TNIK: variants seen among roughly 807,000 people sequenced by gnomAD.
TNIK encodes TRAF2 and NCK-interacting protein kinase.
Under a neutral mutation model 191.3 loss-of-function variants are expected in TNIK, and 49 were observed. That is an observed-to-expected ratio of 0.26 (90% CI 0.20 to 0.32). The LOEUF is 0.32. Ranked by LOEUF, TNIK falls within the 10% of genes least tolerant of loss-of-function variation. TNIK has a pLI of 1.00. For missense variants in TNIK, 1,155 were observed against 1,702.3 expected (o/e 0.68, Z 5.66); for synonymous variants, 594 against 600.9 (o/e 0.99, Z 0.17).
Position 171,138,270 on chromosome 3 carries a change from T to C in TNIK, c.1529A>G (p.Gln510Arg), listed in dbSNP as rs937380319. 6.2e-7 allele frequency: 1 copy of C among 1,613,628 alleles called. No individual in the cohort carries two copies. Among genetic ancestry groups the C allele is most frequent in the African/African-American group, 1.3e-5 (1 of 74,904 alleles). Residue 510 changes from glutamine (Q) to arginine (R), a missense_variant, in exon 15 of 33, where the codon CAG (glutamine) becomes CGG (arginine). Physicochemically the swap from Gln to Arg is conservative, Grantham distance 43. Around this residue, in one of 3 missense-constraint regions of TNIK, gnomAD observed 735 missense variants for 848.0 expected, o/e 0.87. Coordinates refer to ENST00000436636, the MANE Select transcript of TNIK (RefSeq NM_015028.4). Reference protein sequence around the residue: ...LVSLQHQRQEQRPVEKKPLYH... With the variant: ...LVSLQHQRQERRPVEKKPLYH... The stretch of plus-strand genomic sequence containing the variant: ...CAGTGGCTTCTTCTCCACAGGCCTC[T>C]GCTCCTGCCGCTGATGCTGAAGGGA...
intron 23 of TNIK, 49 bp downstream of exon 23, chr3:171,093,790 A>T: frequency 6.2e-7 from 1 of 1,603,812 alleles, no homozygotes; most frequent in Non-Finnish European, 8.5e-7. Context: ...TAATGTAAAA[A>T]CCACTGAAGA....
intron 18 of TNIK, among the ~76,000 whole-genome samples, chr3:171,113,610 GAA>G (rs558311545): frequency 3.1e-5 from 4 of 127,888 alleles, no homozygotes; most frequent in Admixed American, 8.0e-5. Context: ...TGTCTGTCTC[GAA>G]AAAAAAAAAA....
intron 12 of TNIK, among the ~76,000 whole-genome samples, chr3:171,147,178 C>T (rs764328246): frequency 1.3e-5 from 2 of 152,110 alleles, no homozygotes; most frequent in Admixed American, 6.5e-5. Flanking sequence ...GTGGAAGACC[C>T]GAGTTGGCCT....
chr3:171,372,654 T>A (rs949660658), intron 1 of TNIK, among the ~76,000 whole-genome samples: 1 of 152,106 alleles, frequency 6.6e-6, no homozygotes, highest in Non-Finnish European at 1.5e-5. Context: ...CCAATACCCG[T>A]CCCAGAGGTA....
chr3:171,352,891 G>C (rs1713435764), intron 2 of TNIK, among the ~76,000 whole-genome samples: 1 of 152,076 alleles, frequency 6.6e-6, no homozygotes, highest in Non-Finnish European at 1.5e-5. Flanking sequence ...AAATGCAAAA[G>C]TAACATCAAA....
chr3:171,371,581 A>G (rs1445868439), intron 1 of TNIK, among the ~76,000 whole-genome samples: 4 of 152,156 alleles, frequency 2.6e-5, no homozygotes, highest in African/African-American at 9.7e-5. Context: ...GTGGTTCCAG[A>G]CAGAACCACA....
At chr3:171,382,793 CG>C (rs1718215203) in intron 1 of TNIK, among the ~76,000 whole-genome samples, 1 of 151,958 alleles carries the variant, frequency 6.6e-6, no homozygotes, top group Non-Finnish European at 1.5e-5. Context: ...GTGGCATGGT[CG>C]AGAAATAAAC....
intron 2 of TNIK, among the ~76,000 whole-genome samples, chr3:171,315,872 C>T (rs1254791798): frequency 1.3e-5 from 2 of 152,154 alleles, no homozygotes; most frequent in Non-Finnish European, 2.9e-5. Context: ...TTCATTACAT[C>T]TGCAGAGACC....
intron 12 of TNIK, among the ~76,000 whole-genome samples, chr3:171,149,564 A>T (rs146647743): frequency 2.2e-4 from 34 of 152,290 alleles, no homozygotes; most frequent in African/African-American, 5.8e-4. Context: ...CACAACACGT[A>T]AGTTAGAACA....
At chr3:171,166,783 A>G (rs1467721091) in intron 10 of TNIK, among the ~76,000 whole-genome samples, 1 of 152,252 alleles carries the variant, frequency 6.6e-6, no homozygotes, top group Non-Finnish European at 1.5e-5. Flanking sequence ...TTAGTCTTCT[A>G]AACATGAATA....
Position 171,159,469 on chromosome 3 carries a change from G to A in TNIK, c.1016+1801C>T, listed in dbSNP as rs907536701. 6.6e-6 allele frequency among the ~76,000 whole-genome samples: 1 copy of A among 152,172 alleles called. No individual in the cohort carries two copies. The highest frequency in any genetic ancestry group is 2.4e-5 in the African/African-American group (1 of 41,438). On this transcript the variant is annotated intron_variant, in intron 11 of 32. Transcript: ENST00000436636. The surrounding 1 kb of genome is among the most constrained non-coding windows in gnomAD (Gnocchi z 4.1). ...AAGGCTTTGTTCGTGATGTTCCATA[G>A]ACAATGCTTGGCGTCTACTCACAAG...
At chr3:171,154,261 A>C (rs75418275) in intron 12 of TNIK, among the ~76,000 whole-genome samples, 1 of 9,904 alleles carries the variant, frequency 1.0e-4, no homozygotes, top group African/African-American at 4.3e-4. Flanking sequence ...TATCTCTTCA[A>C]AAAAAAAAAA....
chr3:171,369,761 T>C lies in TNIK; in HGVS notation c.58-76A>G, dbSNP rs1716241394. 6 of 1,205,566 alleles carry C rather than the reference T, an allele frequency of 5.0e-6. No homozygotes were observed. In the Admixed American group the frequency reaches 1.3e-4, roughly 26 times the overall value. The allele number at this position is 1,205,566 out of a possible 1,614,324, so 74.7% of individuals were successfully genotyped here. On this transcript the variant is annotated intron_variant, in intron 1 of 32. Coordinates refer to ENST00000436636, the MANE Select transcript of TNIK (RefSeq NM_015028.4). Reference sequence around the variant, plus strand: ...TGCCTTAATCAAAAGCAAATACTTATTTAAATTAAGCAAATAAATAACAAC... The same window carrying C: ...TGCCTTAATCAAAAGCAAATACTTACTTAAATTAAGCAAATAAATAACAAC...
At chr3:171,260,018 A>C (rs1747392791) in intron 2 of TNIK, among the ~76,000 whole-genome samples, 1 of 152,154 alleles carries the variant, frequency 6.6e-6, no homozygotes. Flanking sequence ...CAGTTTTAGC[A>C]AAAGAACCCT....
At chr3:171,186,949 G>T (rs150503870) in intron 7 of TNIK, among the ~76,000 whole-genome samples, 1 of 152,322 alleles carries the variant, frequency 6.6e-6, no homozygotes, top group South Asian at 2.1e-4. Context: ...CAGAAGGAAA[G>T]CCTCTTCTAG....
At chr3:171,117,446 G>C (rs148509868) in intron 18 of TNIK, among the ~76,000 whole-genome samples, 2 of 151,920 alleles carry the variant, frequency 1.3e-5, no homozygotes, top group South Asian at 2.1e-4. Flanking sequence ...TAAAATGGTG[G>C]TGATTACAGT....
At chr3:171,180,830 C>T (rs1483087567) in intron 7 of TNIK, among the ~76,000 whole-genome samples, 1 of 152,172 alleles carries the variant, frequency 6.6e-6, no homozygotes, top group Non-Finnish European at 1.5e-5. Flanking sequence ...TTTTTGTTAT[C>T]AAAATGCATT....
chr3:171,330,219 C>T (rs1176940771), intron 2 of TNIK, among the ~76,000 whole-genome samples: 3 of 152,104 alleles, frequency 2.0e-5, no homozygotes, highest in Admixed American at 1.3e-4. Flanking sequence ...AGATACTGAC[C>T]CCAAATCAGT....
intron 26 of TNIK, chr3:171,082,708 C>A (rs548155911): frequency 8.2e-5 from 19 of 233,068 alleles, no homozygotes; most frequent in Admixed American, 2.7e-4. Flanking sequence ...CCTTTATTCC[C>A]TGCCTGGAAA....
Sources: allele counts gnomAD v4.1 joint callset (sites outside exome capture counted in the v4.1 genomes callset), GRCh38; gene constraint gnomAD v4.1.1; regional missense constraint gnomAD v4.1.1; non-coding constraint Gnocchi (gnomAD v3.1); transcripts MANE v1.5; gene names NCBI Gene and HGNC (gene_info 2026-07-23, HGNC 2026-07-21).